FRMD5: variants seen among roughly 807,000 people sequenced by gnomAD.
FRMD5 encodes the protein FERM domain containing 5.
FRMD5 carries 20 observed loss-of-function variants against 69.0 expected under a neutral mutation model. That is an observed-to-expected ratio of 0.29 (90% CI 0.20 to 0.42). FRMD5 has a LOEUF of 0.42. Among genes scored for constraint, FRMD5 ranks in the 10% least tolerant of loss-of-function variants. The pLI, the probability that FRMD5 is intolerant of heterozygous loss-of-function variation, is 1.00. For synonymous variants in FRMD5, 271 were observed against 260.1 expected, an observed-to-expected ratio of 1.04 and a Z score of -0.40; for missense variants, 595 against 708.6, an observed-to-expected ratio of 0.84 and a Z score of 1.82.
At chr15:44,175,444 T>TA (rs1257460067) in intron 1 of FRMD5, among the ~76,000 whole-genome samples, 1 of 152,156 alleles carries the variant, frequency 6.6e-6, no homozygotes, top group Non-Finnish European at 1.5e-5. Context: ...AATAACTTTT[T>TA]AAAAAAATGT....
chr15:43,949,593 T>C (rs550851175), intron 1 of FRMD5, among the ~76,000 whole-genome samples: 1 of 152,322 alleles, frequency 6.6e-6, no homozygotes, highest in Admixed American at 6.5e-5. Flanking sequence ...ATGGGCACCA[T>C]ATCAGCCTCA....
intron 1 of FRMD5, among the ~76,000 whole-genome samples, chr15:44,182,194 A>T (rs1230855576): frequency 6.6e-6 from 1 of 150,710 alleles, no homozygotes; most frequent in African/African-American, 2.4e-5. Flanking sequence ...TATTTTTAGT[A>T]AAGACAGGGT....
intron 1 of FRMD5, among the ~76,000 whole-genome samples, chr15:44,075,012 C>G (rs1893699308): frequency 6.6e-6 from 1 of 152,292 alleles, no homozygotes; most frequent in East Asian, 1.9e-4. Flanking sequence ...GATGAGCAGC[C>G]ATTACAGTGC....
chr15:44,102,026 C>T lies in FRMD5; in HGVS notation c.102+92927G>A, dbSNP rs149108163. On this transcript the variant is annotated intron_variant, in intron 1 of 13. Transcript: ENST00000417257. ...TGTAATTTATTCTTATGGTGACTGC[C>T]GTATCACACTCAATGGCAGAAGCAG... Among the ~76,000 whole-genome samples, 217 of 152,282 alleles carry T rather than the reference C, an allele frequency of 1.4e-3. 1 individual carries two copies. Among genetic ancestry groups the T allele is most frequent in the Non-Finnish European group, 2.5e-3 (173 of 68,032 alleles).
At chr15:43,957,552 G>T (rs532151655) in intron 1 of FRMD5, among the ~76,000 whole-genome samples, 6 of 152,336 alleles carry the variant, frequency 3.9e-5, no homozygotes, top group Admixed American at 1.3e-4. Context: ...AGGGGCTCAA[G>T]CCCAGGCTTT....
chr15:44,012,767 T>G (rs1047472939), intron 1 of FRMD5, among the ~76,000 whole-genome samples: 4 of 143,186 alleles, frequency 2.8e-5, no homozygotes, highest in Non-Finnish European at 4.5e-5. Context: ...TTGGGTTTTT[T>G]TTTTTTTTTT....
At chr15:43,984,348 G>A (rs1461970059) in intron 1 of FRMD5, among the ~76,000 whole-genome samples, 1 of 152,200 alleles carries the variant, frequency 6.6e-6, no homozygotes, top group African/African-American at 2.4e-5. Context: ...CACTGCCTCC[G>A]GAAACAAGCA....
chr15:44,161,774 A>C (rs2077619741), intron 1 of FRMD5, among the ~76,000 whole-genome samples: 2 of 152,172 alleles, frequency 1.3e-5, no homozygotes, highest in Admixed American at 6.5e-5. Context: ...GCCCCTTACT[A>C]TACCGTATCT....
chr15:43,878,927 CTTTTCT>C (rs1240418500), intron 13 of FRMD5, among the ~76,000 whole-genome samples: 3 of 132,632 alleles, frequency 2.3e-5, no homozygotes, highest in African/African-American at 8.6e-5. Flanking sequence ...TTTTTTTTTT[CTTTTCT>C]TTTTTTTTTT....
chr15:44,152,330 A>G (rs8030309), intron 1 of FRMD5, among the ~76,000 whole-genome samples: 10,614 of 152,236 alleles, frequency 0.07, 1,111 homozygotes, highest in African/African-American at 0.22. Flanking sequence ...CTAGGTTGTT[A>G]TATGTATCAA....
chr15:44,006,914 T>C (rs548114108), intron 1 of FRMD5, among the ~76,000 whole-genome samples: 119 of 152,360 alleles, frequency 7.8e-4, no homozygotes, highest in African/African-American at 2.5e-3. Flanking sequence ...TTGGAGAAGA[T>C]TGACTCCAAT....
chr15:43,916,156 G>A (rs2089383376), intron 4 of FRMD5, among the ~76,000 whole-genome samples: 1 of 152,190 alleles, frequency 6.6e-6, no homozygotes, highest in Non-Finnish European at 1.5e-5. Context: ...TAGCACAAAT[G>A]CATGCAGACC....
intron 1 of FRMD5, among the ~76,000 whole-genome samples, chr15:44,010,556 TG>T (rs1890671262): frequency 6.6e-6 from 1 of 152,102 alleles, no homozygotes; most frequent in Non-Finnish European, 1.5e-5. Context: ...GGCTAATTTT[TG>T]TATTTTTAGT....
At chr15:44,127,670 T>C (rs1343663691) in intron 1 of FRMD5, among the ~76,000 whole-genome samples, 1 of 152,070 alleles carries the variant, frequency 6.6e-6, no homozygotes, top group East Asian at 1.9e-4. Context: ...GCTCAGGAGT[T>C]TGAAATCAGC....
At chr15:44,197,708 G>GA (rs1020478285), upstream of FRMD5, among the ~76,000 whole-genome samples, 1 of 149,800 alleles carries the variant, frequency 6.7e-6, no homozygotes, top group Non-Finnish European at 1.5e-5. Flanking sequence ...AGAAAGAAAG[G>GA]AAAAAAAATT....
At chr15:43,885,987 G>C (rs2088653290) in intron 10 of FRMD5, among the ~76,000 whole-genome samples, 3 of 152,236 alleles carry the variant, frequency 2.0e-5, no homozygotes, top group African/African-American at 4.8e-5. Flanking sequence ...TTAGTGTCAG[G>C]AGAGTGAAGG....
chr15:44,136,222 C>T (rs1229092578), intron 1 of FRMD5, among the ~76,000 whole-genome samples: 2 of 43,314 alleles, frequency 4.6e-5, no homozygotes, highest in Non-Finnish European at 1.3e-4. Flanking sequence ...CGGGGTTTCA[C>T]CATGTTGTCC....
At chr15:43,892,362 CTCA>C (rs753717035) in intron 7 of FRMD5, among the ~76,000 whole-genome samples, 7 of 152,184 alleles carry the variant, frequency 4.6e-5, no homozygotes, top group Non-Finnish European at 7.3e-5. Context: ...ATGGCAACAC[CTCA>C]TGCATTGCTG....
At chr15:43,987,656 T>C (rs1889461373) in intron 1 of FRMD5, among the ~76,000 whole-genome samples, 2 of 152,108 alleles carry the variant, frequency 1.3e-5, no homozygotes, top group Non-Finnish European at 2.9e-5. Context: ...TTCAAGTGAT[T>C]CTCCTGCCTC....
Sources: allele counts gnomAD v4.1 joint callset (sites outside exome capture counted in the v4.1 genomes callset), GRCh38; gene constraint gnomAD v4.1.1; transcripts MANE v1.5; gene names NCBI Gene and HGNC (gene_info 2026-07-23, HGNC 2026-07-21).